FAM135B: variants seen among roughly 807,000 people sequenced by gnomAD.
FAM135B encodes family with sequence similarity 135 member B.
FAM135B carries 43 observed loss-of-function variants against 127.7 expected under a neutral mutation model. The observed-to-expected ratio is 0.34, with a 90% CI of 0.26 to 0.43. FAM135B has a LOEUF of 0.43. Among genes scored for constraint, FAM135B ranks in the 20% least tolerant of loss-of-function variants. FAM135B has a pLI of 1.00. For synonymous variants in FAM135B, 670 were observed against 665.1 expected (o/e 1.01, Z -0.11); for missense variants, 1,558 against 1,725.6 (o/e 0.90, Z 1.72).
At chr8:138,354,988 C>T (rs1160119996) in intron 2 of FAM135B, among the ~76,000 whole-genome samples, 4 of 152,050 alleles carry the variant, frequency 2.6e-5, no homozygotes, top group Non-Finnish European at 4.4e-5. Flanking sequence ...TTAGGTATAT[C>T]TCCTAATGCT....
intron 7 of FAM135B, among the ~76,000 whole-genome samples, chr8:138,208,501 T>C (rs1233965334): frequency 6.6e-6 from 1 of 152,182 alleles, no homozygotes; most frequent in Admixed American, 6.5e-5. Flanking sequence ...TAAAAAATAT[T>C]CTTTCTGATC....
At chr8:138,314,690 C>T in intron 2 of FAM135B, among the ~76,000 whole-genome samples, 1 of 3,640 alleles carries the variant, frequency 2.7e-4, no homozygotes, top group African/African-American at 9.8e-4. Context: ...GACCCCATCC[C>T]TACAATAAAT....
At chr8:138,182,532 C>A (rs559984399) in intron 9 of FAM135B, among the ~76,000 whole-genome samples, 5 of 152,140 alleles carry the variant, frequency 3.3e-5, no homozygotes, top group Non-Finnish European at 7.3e-5. Context: ...TCTGTCCCAG[C>A]GGTGTGCCGA....
chr8:138,332,328 C>G (rs546499588), intron 2 of FAM135B, among the ~76,000 whole-genome samples: 1 of 152,078 alleles, frequency 6.6e-6, no homozygotes, highest in African/African-American at 2.4e-5. Flanking sequence ...AGGAGATCAC[C>G]GAGGGCTTTC....
At position 138,426,018 on chromosome 8, in the gene FAM135B, C is replaced by A. The variant is rs28491740; in HGVS notation, c.-19-58016G>T. Among the ~76,000 whole-genome samples the A allele has an allele frequency of 2.9e-5, 3 of 102,002 alleles. No individual in the cohort carries two copies. In the South Asian group the frequency reaches 1.2e-3, roughly 41 times the overall value. The allele number at this position is 102,002 out of a possible 152,430, so 66.9% of individuals were successfully genotyped here. On this transcript the variant is annotated intron_variant, in intron 1 of 19. Transcript: ENST00000395297. ...ATATATATATATATATATATACACA[C>A]ACATACATATACACACACACACACA...
chr8:138,432,077 G>A (rs1587439497), intron 1 of FAM135B, among the ~76,000 whole-genome samples: 1 of 152,196 alleles, frequency 6.6e-6, no homozygotes, highest in South Asian at 2.1e-4. Context: ...GATCCCTGGG[G>A]ATGGGTGTAG....
chr8:138,210,870 C>A (rs1238201703), intron 7 of FAM135B, among the ~76,000 whole-genome samples: 1 of 152,138 alleles, frequency 6.6e-6, no homozygotes, highest in Non-Finnish European at 1.5e-5. Context: ...CATACACACA[C>A]CCATGTAGCC....
At chr8:138,449,724 C>A (rs1335641983) in intron 1 of FAM135B, among the ~76,000 whole-genome samples, 3 of 152,070 alleles carry the variant, frequency 2.0e-5, no homozygotes, top group Admixed American at 2.0e-4. Context: ...TTCCCATAAA[C>A]CCCCTGTCCC....
intron 1 of FAM135B, among the ~76,000 whole-genome samples, chr8:138,463,093 T>C (rs1837215577): frequency 6.6e-6 from 1 of 152,194 alleles, no homozygotes; most frequent in Non-Finnish European, 1.5e-5. Context: ...TAAATAAAAC[T>C]GAAGATCTCA....
intron 1 of FAM135B, among the ~76,000 whole-genome samples, chr8:138,493,921 T>C (rs76052448): frequency 6.6e-6 from 1 of 152,232 alleles, no homozygotes; most frequent in Admixed American, 6.5e-5. Flanking sequence ...ATCTAGGCTA[T>C]CTTAATCCAA....
At chr8:138,210,454 T>C (rs952391170) in intron 7 of FAM135B, among the ~76,000 whole-genome samples, 1 of 152,122 alleles carries the variant, frequency 6.6e-6, no homozygotes, top group Non-Finnish European at 1.5e-5. Flanking sequence ...AGAGGTTTAA[T>C]TGACTCAAAG....
intron 2 of FAM135B, among the ~76,000 whole-genome samples, chr8:138,326,867 C>G (rs1827825965): frequency 6.6e-6 from 1 of 152,110 alleles, no homozygotes; most frequent in South Asian, 2.1e-4. Flanking sequence ...GTAGGAGACA[C>G]AGTAAGCACC....
intron 13 of FAM135B, 164 bp from the exon 14 acceptor site, chr8:138,148,850 TGTTCTGAAC>T: frequency 1.9e-6 from 1 of 518,012 alleles, no homozygotes; most frequent in South Asian, 2.8e-5. Flanking sequence ...AGTGAAGCTT[TGTTCTGAAC>T]AAGGAGGCAG....
intron 1 of FAM135B, among the ~76,000 whole-genome samples, chr8:138,455,336 T>C (rs994955852): frequency 1.3e-5 from 2 of 152,218 alleles, no homozygotes; most frequent in Non-Finnish European, 2.9e-5. Context: ...TCAAAGTTAC[T>C]AAAGTCCAAA....
At chr8:138,455,896 C>G (rs1207295089) in intron 1 of FAM135B, among the ~76,000 whole-genome samples, 1 of 121,610 alleles carries the variant, frequency 8.2e-6, no homozygotes, top group Admixed American at 8.1e-5. Context: ...GTTATGTGCA[C>G]AAGTTCTGAA....
chr8:138,337,787 G>A (rs929529534), intron 2 of FAM135B, among the ~76,000 whole-genome samples: 1 of 152,202 alleles, frequency 6.6e-6, no homozygotes, highest in African/African-American at 2.4e-5. Context: ...TCAAAAAAGA[G>A]CCCGCATTGC....
chr8:138,151,338 G>C lies in FAM135B; in HGVS notation c.3137C>G (p.Ser1046Cys), dbSNP rs1818124002. ...CCTGGCAGGGGTCTCCTTGGGCACA[G>C]ATGAGAAAGGGAGACAGGTGGCAGT... The part of the protein sequence containing the change: ...SCTATCLPFS[S>C]VPKETPARAG... The change falls in exon 13 of 20, where the codon TCT becomes TGT. Residue 1046 changes from serine to cysteine, a missense_variant. This residue lies in a region of FAM135B where 923 missense variants were observed against 865.3 expected (regional missense o/e 1.07). Transcript: ENST00000395297. 1 of 1,613,918 alleles carries C rather than the reference G, an allele frequency of 6.2e-7. No homozygotes were observed. The highest frequency in any genetic ancestry group is 8.5e-7 in the Non-Finnish European group (1 of 1,180,000).
intron 8 of FAM135B, among the ~76,000 whole-genome samples, chr8:138,195,898 T>C (rs1227330056): frequency 6.6e-6 from 1 of 151,960 alleles, no homozygotes; most frequent in Non-Finnish European, 1.5e-5. Context: ...CTGTGGTCAG[T>C]CATTTGCACA....
chr8:138,398,585 A>G (rs1042428289), intron 1 of FAM135B, among the ~76,000 whole-genome samples: 4 of 152,128 alleles, frequency 2.6e-5, no homozygotes, highest in African/African-American at 9.7e-5. Flanking sequence ...CTGGGTGTGC[A>G]ATGACAGTTT....
Sources: allele counts gnomAD v4.1 joint callset (sites outside exome capture counted in the v4.1 genomes callset), GRCh38; gene constraint gnomAD v4.1.1; regional missense constraint gnomAD v4.1.1; transcripts MANE v1.5; gene names NCBI Gene and HGNC (gene_info 2026-07-23, HGNC 2026-07-21).